ARHGEF6: variants seen among roughly 807,000 people sequenced by gnomAD.
The protein encoded by ARHGEF6 is rho guanine nucleotide exchange factor 6.
In ARHGEF6, 9 loss-of-function variants were observed where a neutral mutation model predicts 70.3. That is an observed-to-expected ratio of 0.13 (90% CI 0.08 to 0.22). ARHGEF6 has a LOEUF of 0.22. Ranked by LOEUF, ARHGEF6 falls within the 10% of genes least tolerant of loss-of-function variation. The pLI is 1.00. For missense variants in ARHGEF6, 470 were observed against 563.0 expected, an observed-to-expected ratio of 0.83 and a Z score of 1.67; for synonymous variants, 201 against 207.8, an observed-to-expected ratio of 0.97 and a Z score of 0.28.
intron 2 of ARHGEF6, among the ~76,000 whole-genome samples, chrX:136,757,824 C>T (rs770742880): frequency 2.7e-5 from 3 of 111,463 alleles, no homozygotes; most frequent in South Asian, 3.7e-4. Context: ...GCATGGTGCT[C>T]ACTTTACAGA....
At chrX:136,691,498 C>T (rs1569396134) in intron 9 of ARHGEF6, among the ~76,000 whole-genome samples, 1 of 112,259 alleles carries the variant, frequency 8.9e-6, no homozygotes, top group Non-Finnish European at 1.9e-5. Flanking sequence ...ATATTGAGTC[C>T]TGGGGCTGCA....
At chrX:136,686,733 T>TAA in intron 11 of ARHGEF6, among the ~76,000 whole-genome samples, 1 of 90,110 alleles carries the variant, frequency 1.1e-5, no homozygotes, top group African/African-American at 4.2e-5. Flanking sequence ...TATATATATA[T>TAA]ATATCTCACT....
chrX:136,759,397 T>C (rs2077243057), intron 2 of ARHGEF6, among the ~76,000 whole-genome samples: 1 of 111,371 alleles, frequency 9.0e-6, no homozygotes, highest in Admixed American at 9.5e-5. Flanking sequence ...CCCAGCACTT[T>C]GGGAGGCCGA....
At chrX:136,676,766 A>T (rs761591911) in intron 17 of ARHGEF6, 49 bp from the exon 18 acceptor site, 26 of 903,399 alleles carry the variant, frequency 2.9e-5, no homozygotes, top group Non-Finnish European at 4.2e-5. Context: ...CCTCAAAAAC[A>T]AAAGTAAAAG....
rs767211478 is a variant in ARHGEF6, at chrX:136,718,949, C to T, written c.733-5579G>A. Among the ~76,000 whole-genome samples the T allele has an allele frequency of 3.8e-5, 4 of 104,619 alleles. No homozygotes were observed. The South Asian group carries it at 1.7e-3, about 44-fold the overall frequency. The allele number at this position is 104,619 out of a possible 115,157, so 90.8% of individuals were successfully genotyped here. ...TGTAAACTATAGTTAAAGACATTGT[C>T]CAGTATGTTGACTGGCATTCTTGGA... On this transcript the variant is annotated intron_variant, in intron 6 of 21. Coordinates refer to ENST00000250617, the MANE Select transcript of ARHGEF6 (RefSeq NM_004840.3).
At chrX:136,759,561 C>T (rs1360961909) in intron 2 of ARHGEF6, among the ~76,000 whole-genome samples, 2 of 106,398 alleles carry the variant, frequency 1.9e-5, no homozygotes, top group Non-Finnish European at 3.9e-5. Context: ...ACCAAAGAGG[C>T]GGAGGTTACA....
chrX:136,763,276 A>G lies in ARHGEF6; in HGVS notation c.250-15684T>C, dbSNP rs146450304. ...TCATCTCATTTAATCTGCTATTTCTAATCAGTTTCAGGGTGAGCAACCAGA... is the reference window on the plus strand; with the variant it reads ...TCATCTCATTTAATCTGCTATTTCTGATCAGTTTCAGGGTGAGCAACCAGA... On this transcript the variant is annotated intron_variant, in intron 2 of 21. Transcript: ENST00000250617. 5.4e-3 allele frequency among the ~76,000 whole-genome samples: 602 copies of G among 112,080 alleles called. 4 individuals are homozygous for G. The highest frequency in any genetic ancestry group is 0.017 in the African/African-American group (535 of 30,834).
intron 5 of ARHGEF6, among the ~76,000 whole-genome samples, chrX:136,740,918 G>A (rs1199919081): frequency 8.9e-6 from 1 of 111,996 alleles, no homozygotes; most frequent in African/African-American, 3.2e-5. Context: ...AAGATGTAGT[G>A]AGAGGTAAAA....
Position 136,695,353 on chromosome X carries a change from C to T in ARHGEF6, c.1047-4605G>A, listed in dbSNP as rs137916641. On this transcript the variant is annotated intron_variant, in intron 9 of 21. Coordinates refer to ENST00000250617, the MANE Select transcript of ARHGEF6 (RefSeq NM_004840.3). ...GATATTATAAAATTCTCAAAAACAC[C>T]GTTAACTAAAATTAAACAGGGCATT... Among the ~76,000 whole-genome samples the T allele has an allele frequency of 5.3e-3, 591 of 112,364 alleles. 2 individuals carry two copies. Among genetic ancestry groups the T allele is most frequent in the African/African-American group, 0.018 (566 of 30,935 alleles).
intron 5 of ARHGEF6, among the ~76,000 whole-genome samples, chrX:136,738,717 C>A (rs747096385): frequency 8.9e-6 from 1 of 112,791 alleles, no homozygotes; most frequent in Admixed American, 9.3e-5. Flanking sequence ...AGAGATCAAC[C>A]TTTGTGGGCT....
intron 2 of ARHGEF6, among the ~76,000 whole-genome samples, chrX:136,776,395 C>T (rs2077405051): frequency 8.9e-6 from 1 of 111,780 alleles, no homozygotes; most frequent in Non-Finnish European, 1.9e-5. Flanking sequence ...CCAATACTTA[C>T]AGCCAACTGG....
At chrX:136,724,501 T>C (rs1012772621) in intron 6 of ARHGEF6, among the ~76,000 whole-genome samples, 3 of 111,517 alleles carry the variant, frequency 2.7e-5, no homozygotes, top group Non-Finnish European at 5.6e-5. Flanking sequence ...GTTTGTTTGA[T>C]TGTTTTTGAG....
At chrX:136,735,501 G>A (rs1292677310) in intron 5 of ARHGEF6, among the ~76,000 whole-genome samples, 1 of 111,214 alleles carries the variant, frequency 9.0e-6, no homozygotes, top group African/African-American at 3.3e-5. Context: ...GCCCTAACTA[G>A]AACGAACATG....
chrX:136,732,552 C>T lies in ARHGEF6; in HGVS notation c.662-380G>A, dbSNP rs140524033. Reference sequence around the variant, plus strand: ...CACCAACTTATGATGGTTCAACTTACGATTTTTCAACTTAACAATGGTGCA... The same window carrying T: ...CACCAACTTATGATGGTTCAACTTATGATTTTTCAACTTAACAATGGTGCA... On this transcript the variant is annotated intron_variant, in intron 5 of 21. Coordinates refer to ENST00000250617, the MANE Select transcript of ARHGEF6 (RefSeq NM_004840.3). 5.8e-3 allele frequency among the ~76,000 whole-genome samples: 651 copies of T among 112,380 alleles called. 8 individuals carry two copies. Among genetic ancestry groups the T allele is most frequent in the African/African-American group, 0.02 (612 of 30,976 alleles).
intron 12 of ARHGEF6, among the ~76,000 whole-genome samples, chrX:136,684,332 T>TA (rs1383244829): frequency 8.9e-6 from 1 of 112,525 alleles, no homozygotes; most frequent in Non-Finnish European, 1.9e-5. Flanking sequence ...GACTAATAGT[T>TA]AGACTCACTG....
In ARHGEF6 at chrX:136,675,045, T is replaced by A. The variant is rs1384992963; in HGVS notation, c.1997A>T (p.Tyr666Phe). 1 of 1,211,733 alleles carries A rather than the reference T, an allele frequency of 8.3e-7. No individual in the cohort carries two copies. The change falls in exon 19 of 22, where the codon TAC (tyrosine) becomes TTC (phenylalanine). Residue 666 changes from tyrosine (Y) to phenylalanine (F), a missense_variant. Tyr to Phe is a conservative substitution (Grantham distance 22). Around this residue, in one of 3 missense-constraint regions of ARHGEF6, gnomAD observed 88 missense variants for 95.5 expected, o/e 0.92. Transcript: ENST00000250617. ...TTGTTGAAAATTTGCGCTGGTGCAG[T>A]AGGCTTCGATCACTTTAAGGATTTG... ...DAQILKVIEA[Y>F]CTSANFQQGH...
At chrX:136,693,643 C>T (rs181774566) in intron 9 of ARHGEF6, among the ~76,000 whole-genome samples, 2 of 112,068 alleles carry the variant, frequency 1.8e-5, no homozygotes, top group African/African-American at 6.5e-5. Context: ...ACATTTATTT[C>T]ATAGAATGCA....
chrX:136,753,980 T>C (rs940749067), intron 2 of ARHGEF6, among the ~76,000 whole-genome samples: 1 of 111,822 alleles, frequency 8.9e-6, no homozygotes, highest in Non-Finnish European at 1.9e-5. Context: ...TATGGACTCC[T>C]AGATTACTCG....
intron 3 of ARHGEF6, among the ~76,000 whole-genome samples, chrX:136,746,860 T>C (rs1028239086): frequency 1.8e-5 from 2 of 111,673 alleles, no homozygotes; most frequent in Non-Finnish European, 3.8e-5. Flanking sequence ...TATGACAGCC[T>C]AGATCCAGGG....
Sources: gnomAD v4.1 joint callset for allele counts (sites outside exome capture counted in the v4.1 genomes callset) on GRCh38, gnomAD v4.1.1 for gene constraint, gnomAD v4.1.1 regional missense constraint, MANE v1.5 for transcripts, NCBI Gene and HGNC (gene_info 2026-07-23, HGNC 2026-07-21) for gene names.